Variants in APLP2 observed in about 807,000 individuals in gnomAD.
The protein encoded by APLP2 is amyloid beta precursor like protein 2.
Under a neutral mutation model 89.9 loss-of-function variants are expected in APLP2, and 53 were observed. The observed-to-expected ratio is 0.59, with a 90% CI of 0.47 to 0.74. The LOEUF is 0.74. Among genes scored for constraint, APLP2 ranks in the 30% least tolerant of loss-of-function variants. APLP2 has a pLI of 0.00. For synonymous variants in APLP2, 372 were observed against 348.6 expected (o/e 1.07, Z -0.75); for missense variants, 973 against 975.9 (o/e 1.00, Z 0.04).
chr11:130,082,699 C>T (rs529839729), intron 1 of APLP2: 8 of 203,626 alleles, frequency 3.9e-5, no homozygotes, highest in East Asian at 1.4e-4. Flanking sequence ...CCTGGGCACA[C>T]GCCACTGCAG....
chr11:130,114,647 C>T (rs1248570657), intron 3 of APLP2, among the ~76,000 whole-genome samples: 1 of 152,206 alleles, frequency 6.6e-6, no homozygotes, highest in African/African-American at 2.4e-5. Flanking sequence ...ATTTTCCCTA[C>T]TCCACTCCTG....
intron 11 of APLP2, among the ~76,000 whole-genome samples, chr11:130,132,211 G>A (rs1951008406): frequency 6.6e-6 from 1 of 152,070 alleles, no homozygotes; most frequent in Non-Finnish European, 1.5e-5. Context: ...GTTGCATTTT[G>A]GCTTCATTTG....
chr11:130,096,465 C>A (rs1290428387), intron 1 of APLP2, among the ~76,000 whole-genome samples: 1 of 152,158 alleles, frequency 6.6e-6, no homozygotes, highest in East Asian at 1.9e-4. Context: ...TGCCTGTAAT[C>A]CCAACACCTT....
rs1258437265 is a variant in APLP2 at position 130,133,626 on chromosome 11, C to T, written c.1585-3C>T. On this transcript the variant is annotated splice_region_variant and splice_polypyrimidine_tract_variant and intron_variant, in intron 11 of 16. Transcript: ENST00000338167. ...CACCTCTCCACCATAACTCTGCTTC[C>T]AGGTGATGACACATCTCCACGTGAT... The T allele has an allele frequency of 6.2e-7, 1 of 1,609,994 alleles. No individual in the cohort carries two copies.
At chr11:130,091,904 AG>A in intron 1 of APLP2, among the ~76,000 whole-genome samples, 1 of 128,474 alleles carries the variant, frequency 7.8e-6, no homozygotes, top group Non-Finnish European at 1.6e-5. Context: ...TGCCGGGCGG[AG>A]AGGCTCCTCA....
At chr11:130,102,307 T>G (rs1442625790) in intron 1 of APLP2, among the ~76,000 whole-genome samples, 1 of 152,132 alleles carries the variant, frequency 6.6e-6, no homozygotes, top group African/African-American at 2.4e-5. Context: ...GTCGTACCTT[T>G]CGCTATCAGT....
At chr11:130,125,247 C>T (rs1291877542) in intron 7 of APLP2, among the ~76,000 whole-genome samples, 1 of 152,200 alleles carries the variant, frequency 6.6e-6, no homozygotes, top group Non-Finnish European at 1.5e-5. Context: ...GGCCCGCTGT[C>T]CTCTCCACTC....
chr11:130,141,252 G>T lies in APLP2; in HGVS notation c.1924-246G>T. On this transcript the variant is annotated intron_variant, in intron 14 of 16. Coordinates refer to ENST00000338167, the MANE Select transcript of APLP2 (RefSeq NM_001142276.2). The surrounding 1 kb of genome is among the most constrained non-coding windows in gnomAD (Gnocchi z 4.2). ...CTGTTCTGAGATACGTCTCCACAAC[G>T]GTTACTTGAAGGAAAATGCATACGG... 1 of 501,418 alleles carries T rather than the reference G, an allele frequency of 2.0e-6. No individual in the cohort carries two copies. Among genetic ancestry groups the T allele is most frequent in the Non-Finnish European group, 3.6e-6 (1 of 279,274 alleles). The allele number at this position is 501,418 out of a possible 1,614,324, so 31.1% of individuals were successfully genotyped here. A position where few individuals can be genotyped will look rare whatever the true frequency, so the allele number is the denominator to read the frequency against.
chr11:130,134,477 G>A (rs905170697), intron 12 of APLP2, among the ~76,000 whole-genome samples: 2 of 152,198 alleles, frequency 1.3e-5, no homozygotes, highest in African/African-American at 4.8e-5. Flanking sequence ...GCCAAAGTAT[G>A]CAGGGACCAG....
chr11:130,127,016 A>G (rs1950440617), intron 8 of APLP2, among the ~76,000 whole-genome samples, 186 bp downstream of exon 8: 1 of 150,620 alleles, frequency 6.6e-6, no homozygotes. Flanking sequence ...CATCCAGATA[A>G]TATATAATAT....
At chr11:130,084,454 G>A (rs931703998) in intron 1 of APLP2, among the ~76,000 whole-genome samples, 33 of 152,186 alleles carry the variant, frequency 2.2e-4, no homozygotes, top group African/African-American at 7.2e-4. Context: ...CATCCTTTGC[G>A]TCTGTGATTA....
In APLP2 at chr11:130,141,055, C is replaced by T. The variant is rs528933384; in HGVS notation, c.1924-443C>T. On this transcript the variant is annotated intron_variant, in intron 14 of 16. Coordinates refer to ENST00000338167, the MANE Select transcript of APLP2 (RefSeq NM_001142276.2). This position sits in a 1 kb window ranked among gnomAD's most constrained non-coding sequence, Gnocchi z 4.2. ...CCAAGTAGCTGGGACTACAGGCGTC[C>T]GCCACCACGCCTGGCTAATTTTTTG... 2.9e-4 allele frequency: 45 copies of T among 157,634 alleles called. No individual in the cohort carries two copies. The highest frequency in any genetic ancestry group is 3.2e-3 in the Middle Eastern group (1 of 310). The allele number at this position is 157,634 out of a possible 1,614,324, so 9.8% of individuals were successfully genotyped here.
intron 1 of APLP2, among the ~76,000 whole-genome samples, chr11:130,098,756 C>G (rs1277009524): frequency 6.6e-6 from 1 of 152,150 alleles, no homozygotes; most frequent in East Asian, 1.9e-4. Context: ...CATATAAAAA[C>G]AAAGTATATA....
intron 3 of APLP2, among the ~76,000 whole-genome samples, chr11:130,116,627 C>T (rs765008328): frequency 2.0e-5 from 3 of 152,008 alleles, no homozygotes; most frequent in African/African-American, 4.8e-5. Flanking sequence ...TTCGCCACCA[C>T]GCCTGGCTCA....
chr11:130,069,912 G>C lies in APLP2; in HGVS notation c.-66G>C. On this transcript the variant is annotated 5_prime_UTR_variant, in exon 1 of 17. Coordinates refer to ENST00000338167, the MANE Select transcript of APLP2 (RefSeq NM_001142276.2). ...TGGCTTTAGATGCTTCTGGGTCGCG[G>C]TGTGCTAAGCGAGGAGTCCGAGTGT... The C allele has an allele frequency of 8.1e-7, 1 of 1,236,110 alleles. No individual in the cohort carries two copies. The highest frequency in any genetic ancestry group is 1.1e-6 in the Non-Finnish European group (1 of 897,336). 76.6% of individuals were successfully genotyped at this position (1,236,110 alleles called of 1,614,324 possible). A position where few individuals can be genotyped will look rare whatever the true frequency, so the allele number is the denominator to read the frequency against.
intron 3 of APLP2, among the ~76,000 whole-genome samples, chr11:130,118,977 C>T (rs1297330638): frequency 6.6e-6 from 1 of 152,146 alleles, no homozygotes; most frequent in East Asian, 1.9e-4. Context: ...CCCATCTTCC[C>T]CTACTTACAC....
At chr11:130,070,848 C>A in intron 1 of APLP2, 1 of 1,079,884 alleles carries the variant, frequency 9.3e-7, no homozygotes, top group Non-Finnish European at 1.2e-6. Flanking sequence ...GTCAGAATTC[C>A]ATCAGTGGTT....
intron 1 of APLP2, among the ~76,000 whole-genome samples, chr11:130,079,204 T>C (rs1310811673): frequency 3.9e-5 from 6 of 152,122 alleles, no homozygotes; most frequent in Non-Finnish European, 7.3e-5. Context: ...GTTCAAGCGA[T>C]TCTTCTGCCT....
chr11:130,133,949 T>A (rs1196221003), intron 12 of APLP2, among the ~76,000 whole-genome samples: 1 of 152,234 alleles, frequency 6.6e-6, no homozygotes, highest in Admixed American at 6.5e-5. Context: ...AGCCTCGGGC[T>A]TCACTGACCT....
Sources: allele counts gnomAD v4.1 joint callset (sites outside exome capture counted in the v4.1 genomes callset), GRCh38; gene constraint gnomAD v4.1.1; non-coding constraint Gnocchi (gnomAD v3.1); transcripts MANE v1.5; gene names NCBI Gene and HGNC (gene_info 2026-07-23, HGNC 2026-07-21).